Variants in AGBL4 observed in about 807,000 individuals in gnomAD.
The protein encoded by AGBL4 is cytosolic carboxypeptidase 6.
A neutral mutation model predicts 66.4 loss-of-function variants in AGBL4; 58 were observed. That is an observed-to-expected ratio of 0.87 (90% CI 0.71 to 1.09). AGBL4 has a LOEUF of 1.09. Ranked by LOEUF, AGBL4 falls within the 50% of genes least tolerant of loss-of-function variation. The pLI, the probability that AGBL4 is intolerant of heterozygous loss-of-function variation, is 0.00. For synonymous variants in AGBL4, 234 were observed against 222.9 expected, an observed-to-expected ratio of 1.05 and a Z score of -0.44; for missense variants, 579 against 631.0, an observed-to-expected ratio of 0.92 and a Z score of 0.88.
intron 3 of AGBL4, among the ~76,000 whole-genome samples, chr1:49,348,983 T>C (rs938994224): frequency 1.3e-5 from 2 of 152,194 alleles, no homozygotes; most frequent in African/African-American, 4.8e-5. Flanking sequence ...AAAAATAATA[T>C]TTAAAATGCT....
chr1:49,897,057 A>C (rs1649297099), intron 1 of AGBL4, among the ~76,000 whole-genome samples: 2 of 152,148 alleles, frequency 1.3e-5, no homozygotes, highest in Non-Finnish European at 2.9e-5. Context: ...GAACAAGACA[A>C]GGATGCCCAC....
chr1:49,904,216 C>G (rs1650048843), intron 1 of AGBL4, among the ~76,000 whole-genome samples: 1 of 152,112 alleles, frequency 6.6e-6, no homozygotes, highest in South Asian at 2.1e-4. Context: ...TCCCTAAAAA[C>G]ACAATTATAC....
At chr1:49,338,035 C>A (rs920280275) in intron 3 of AGBL4, among the ~76,000 whole-genome samples, 2 of 152,050 alleles carry the variant, frequency 1.3e-5, no homozygotes, top group Admixed American at 1.3e-4. Context: ...GTTAAATTGC[C>A]CAAATTATTG....
At chr1:49,151,723 C>T (rs1048378878) in intron 4 of AGBL4, among the ~76,000 whole-genome samples, 5 of 152,108 alleles carry the variant, frequency 3.3e-5, no homozygotes, top group African/African-American at 9.7e-5. Context: ...CACTGGTCCC[C>T]TCTGAAGAAT....
At chr1:48,708,965 C>G (rs2148515186) in intron 6 of AGBL4, among the ~76,000 whole-genome samples, 1 of 152,270 alleles carries the variant, frequency 6.6e-6, no homozygotes, top group Non-Finnish European at 1.5e-5. Context: ...GAAGGATGGC[C>G]ACATATTGCC....
chr1:49,059,050 G>A (rs762957525), intron 4 of AGBL4, among the ~76,000 whole-genome samples: 19 of 152,254 alleles, frequency 1.2e-4, no homozygotes, highest in Non-Finnish European at 2.2e-4. Context: ...GTCTGCTGCA[G>A]AAATTTGCAT....
intron 3 of AGBL4, among the ~76,000 whole-genome samples, chr1:49,265,493 T>C (rs1643897160): frequency 6.6e-6 from 1 of 152,200 alleles, no homozygotes; most frequent in African/African-American, 2.4e-5. Context: ...TTCGGAGCCA[T>C]ATTCCCAGTT....
At position 48,539,378 on chromosome 1, in the gene AGBL4, C is replaced by T. The variant is rs577253639; in HGVS notation, c.1364+264G>A. Among the ~76,000 whole-genome samples, 4 of 152,256 alleles carry T rather than the reference C, an allele frequency of 2.6e-5. No homozygotes were observed. In the East Asian group the frequency reaches 7.7e-4, roughly 29 times the overall value. Reference sequence around the variant, plus strand: ...TTTAGAACAATGACTGAACTCAGCTCCCCAGCAAGCCCCATCCCTGTGGAT... The same window carrying T: ...TTTAGAACAATGACTGAACTCAGCTTCCCAGCAAGCCCCATCCCTGTGGAT... On this transcript the variant is annotated intron_variant, in intron 12 of 13. Coordinates refer to ENST00000371839, the MANE Select transcript of AGBL4 (RefSeq NM_032785.4).
chr1:48,866,345 A>G (rs921968914), intron 6 of AGBL4, among the ~76,000 whole-genome samples: 2 of 152,186 alleles, frequency 1.3e-5, no homozygotes, highest in Non-Finnish European at 2.9e-5. Context: ...AACCTGCCGT[A>G]TGACCACTGT....
chr1:48,910,437 C>G (rs1652989166), intron 5 of AGBL4, among the ~76,000 whole-genome samples: 1 of 152,124 alleles, frequency 6.6e-6, no homozygotes, highest in Admixed American at 6.5e-5. Context: ...GATTCACTAA[C>G]AGTTATTTTG....
At chr1:49,364,436 C>G (rs1455676294) in intron 3 of AGBL4, among the ~76,000 whole-genome samples, 10 of 151,862 alleles carry the variant, frequency 6.6e-5, no homozygotes, top group Admixed American at 3.3e-4. Context: ...CCAACAAGTA[C>G]TTTAATTATC....
chr1:48,549,411 C>A (rs1471302384), intron 11 of AGBL4, among the ~76,000 whole-genome samples: 1 of 152,066 alleles, frequency 6.6e-6, no homozygotes, highest in Non-Finnish European at 1.5e-5. Flanking sequence ...CCATTGCAGG[C>A]AAGTCCAGAG....
intron 3 of AGBL4, among the ~76,000 whole-genome samples, chr1:49,397,253 CA>C (rs77923013): frequency 2.1e-3 from 292 of 142,128 alleles, no homozygotes; most frequent in Non-Finnish European, 1.6e-3. Flanking sequence ...CCCACTCCAC[CA>C]AAAAAAAAAA....
intron 3 of AGBL4, among the ~76,000 whole-genome samples, chr1:49,481,684 G>A (rs755277771): frequency 6.6e-6 from 1 of 151,748 alleles, no homozygotes; most frequent in African/African-American, 2.4e-5. Context: ...GGTGAGAGAG[G>A]GCATCCTTGT....
intron 3 of AGBL4, among the ~76,000 whole-genome samples, chr1:49,261,414 T>C (rs1207029481): frequency 6.6e-6 from 1 of 152,130 alleles, no homozygotes; most frequent in Non-Finnish European, 1.5e-5. Context: ...AAGACCCCAT[T>C]GGCTCAGCCC....
intron 7 of AGBL4, among the ~76,000 whole-genome samples, chr1:48,660,982 C>T (rs1330377304): frequency 6.6e-6 from 1 of 152,174 alleles, no homozygotes; most frequent in Non-Finnish European, 1.5e-5. Flanking sequence ...AACCCTGAGG[C>T]TCCTCTTTCT....
intron 2 of AGBL4, among the ~76,000 whole-genome samples, chr1:49,781,821 A>G (rs1157277682): frequency 6.6e-6 from 1 of 152,148 alleles, no homozygotes; most frequent in African/African-American, 2.4e-5. Context: ...CTAAATTACA[A>G]GTTAACACAC....
intron 3 of AGBL4, among the ~76,000 whole-genome samples, chr1:49,632,236 A>G (rs1458914858): frequency 1.3e-5 from 2 of 152,190 alleles, no homozygotes; most frequent in Non-Finnish European, 2.9e-5. Context: ...ATGGTGACAT[A>G]AAAACATGGA....
intron 4 of AGBL4, among the ~76,000 whole-genome samples, chr1:49,207,492 C>CT (rs753250597): frequency 6.9e-4 from 96 of 138,140 alleles, no homozygotes; most frequent in East Asian, 4.1e-3. Flanking sequence ...TTCTTTCTTT[C>CT]TTTTCTTTCT....
Sources: gnomAD v4.1 joint callset for allele counts (sites outside exome capture counted in the v4.1 genomes callset) on GRCh38, gnomAD v4.1.1 for gene constraint, MANE v1.5 for transcripts, NCBI Gene and HGNC (gene_info 2026-07-23, HGNC 2026-07-21) for gene names.